Variants in EPS15 observed in about 807,000 individuals in gnomAD.
The protein encoded by EPS15 is epidermal growth factor receptor substrate 15.
A neutral mutation model predicts 113.8 loss-of-function variants in EPS15; 72 were observed. That is an observed-to-expected ratio of 0.63 (90% CI 0.52 to 0.77). The LOEUF (loss-of-function observed/expected upper bound fraction) is 0.77, where lower values mean the gene tolerates loss of function less well. EPS15 is among the 30% of genes least tolerant of loss of function. The pLI, the probability that EPS15 is intolerant of heterozygous loss-of-function variation, is 0.00. For synonymous variants in EPS15, 344 were observed against 363.4 expected, an observed-to-expected ratio of 0.95 and a Z score of 0.61; for missense variants, 1,048 against 1,045.8, an observed-to-expected ratio of 1.00 and a Z score of -0.03.
intron 13 of EPS15, among the ~76,000 whole-genome samples, chr1:51,414,542 A>C (rs1650035212): frequency 6.6e-6 from 1 of 152,186 alleles, no homozygotes; most frequent in South Asian, 2.1e-4. Flanking sequence ...TAGAGGGAAA[A>C]AAGTTTTTTC....
Position 51,399,032 on chromosome 1 carries a change from C to T in EPS15, c.2052G>A (p.Ser684=), listed in dbSNP as rs1481355873. The T allele has an allele frequency of 8.1e-6, 13 of 1,608,028 alleles. No homozygotes were observed. The highest frequency in any genetic ancestry group is 1.7e-5 in the Admixed American group (1 of 58,754). ...AACAGTTTTTAATTCTCCCACTTACCGATGTAATACTGCTATTGTTGGCTG... is the reference window on the plus strand; with the variant it reads ...AACAGTTTTTAATTCTCCCACTTACTGATGTAATACTGCTATTGTTGGCTG... ...FSAANNSSIT[S]VETLKHNDPF... The change falls in exon 20 of 25, where the codon TCG becomes TCA. Residue 684 remains serine (S), a splice_region_variant and synonymous_variant. Coordinates refer to ENST00000371733, the MANE Select transcript of EPS15 (RefSeq NM_001981.3).
chr1:51,487,278 A>G (rs1020965040), intron 1 of EPS15, among the ~76,000 whole-genome samples: 1 of 152,214 alleles, frequency 6.6e-6, no homozygotes, highest in African/African-American at 2.4e-5. Flanking sequence ...TTTATTACCA[A>G]AAATAGTTTG....
At chr1:51,426,837 C>CTCTCTCTCTCTCTCTCTCTA (rs377211027) in intron 12 of EPS15, among the ~76,000 whole-genome samples, 3 of 143,566 alleles carry the variant, frequency 2.1e-5, no homozygotes, top group African/African-American at 7.9e-5. Flanking sequence ...CTCTCTCTCT[C>CTCTCTCTCTCTCTCTCTCTA]TATATATATA....
chr1:51,380,129 C>T (rs565542042), intron 21 of EPS15, among the ~76,000 whole-genome samples: 1 of 150,890 alleles, frequency 6.6e-6, no homozygotes, highest in South Asian at 2.1e-4. Flanking sequence ...GAGGCTGAAG[C>T]AGGAGAATCG....
At chr1:51,518,498 G>C (rs1385860813) in intron 1 of EPS15, 2 of 153,098 alleles carry the variant, frequency 1.3e-5, no homozygotes, top group African/African-American at 4.8e-5. Flanking sequence ...GTGGCAAAAG[G>C]CTGCATTGGG....
At chr1:51,417,917 T>A (rs1406786537) in intron 13 of EPS15, among the ~76,000 whole-genome samples, 2 of 152,196 alleles carry the variant, frequency 1.3e-5, no homozygotes, top group African/African-American at 4.8e-5. Flanking sequence ...CCATCATTAA[T>A]GGTGGCAGTG....
At chr1:51,503,299 G>C (rs1274890611) in intron 1 of EPS15, among the ~76,000 whole-genome samples, 1 of 152,160 alleles carries the variant, frequency 6.6e-6, no homozygotes, top group African/African-American at 2.4e-5. Context: ...AATTCAGATA[G>C]AATTGCAAGG....
At chr1:51,385,314 A>G (rs1647036995) in intron 21 of EPS15, among the ~76,000 whole-genome samples, 1 of 152,220 alleles carries the variant, frequency 6.6e-6, no homozygotes, top group Non-Finnish European at 1.5e-5. Flanking sequence ...GCATATAAAA[A>G]AAGGCACTAC....
chr1:51,428,135 C>T (rs964976367), intron 12 of EPS15, among the ~76,000 whole-genome samples: 1 of 151,722 alleles, frequency 6.6e-6, no homozygotes, highest in Non-Finnish European at 1.5e-5. Flanking sequence ...GAATTCTATA[C>T]CTGACAAAAC....
At chr1:51,477,118 G>A (rs1339261401) in intron 2 of EPS15, among the ~76,000 whole-genome samples, 9 of 152,136 alleles carry the variant, frequency 5.9e-5, no homozygotes, top group South Asian at 2.1e-4. Flanking sequence ...ATTAATTATC[G>A]CCTCAATTTC....
At position 51,445,056 on chromosome 1, in the gene EPS15, A is replaced by G. The variant is rs147652573; in HGVS notation, c.798-11T>C. ...GTGTCGCATAATGACCTGCACAAAT[A>G]AACAAAATGAATGGTATGTAAGTGC... On this transcript the variant is annotated splice_polypyrimidine_tract_variant and intron_variant, in intron 10 of 24. Transcript: ENST00000371733. 6.2e-6 allele frequency: 10 copies of G among 1,609,510 alleles called. No homozygotes were observed. The African/African-American group carries it at 1.2e-4, about 19-fold the overall frequency.
At chr1:51,489,510 G>T (rs1468944706) in intron 1 of EPS15, among the ~76,000 whole-genome samples, 1 of 151,802 alleles carries the variant, frequency 6.6e-6, no homozygotes, top group African/African-American at 2.4e-5. Context: ...TAGAGACAGG[G>T]TTTCACCATG....
In EPS15 at chr1:51,355,517, C is replaced by G. The variant is rs1238388548; in HGVS notation, c.*1183G>C. ...TTTTAACATGAAGAGGTCTGATAAT[C>G]TGGCAGGTCTCTTCTCTCCCAATTA... is the stretch of plus-strand genomic sequence containing the variant. On this transcript the variant is annotated 3_prime_UTR_variant, in exon 25 of 25. Coordinates refer to ENST00000371733, the MANE Select transcript of EPS15 (RefSeq NM_001981.3). The G allele has an allele frequency of 5.2e-6, 1 of 193,322 alleles. No homozygotes were observed. Among genetic ancestry groups the G allele is most frequent in the African/African-American group, 2.3e-5 (1 of 43,014 alleles). 12.0% of individuals were successfully genotyped at this position (193,322 alleles called of 1,614,324 possible). A position where few individuals can be genotyped will look rare whatever the true frequency, so the allele number is the denominator to read the frequency against.
intron 2 of EPS15, among the ~76,000 whole-genome samples, chr1:51,476,681 T>C (rs1446929347): frequency 6.6e-6 from 1 of 152,168 alleles, no homozygotes; most frequent in Non-Finnish European, 1.5e-5. Context: ...GAAGGGTTTT[T>C]TGTGTCTCTA....
chr1:51,458,847 G>A (rs56261634), intron 8 of EPS15: 3,931 of 190,372 alleles, frequency 0.021, 39 homozygotes, highest in Middle Eastern at 0.03. Context: ...AGAAGTTTAT[G>A]TGTAGGGTTT....
At chr1:51,495,078 T>G (rs1644301370) in intron 1 of EPS15, among the ~76,000 whole-genome samples, 1 of 152,240 alleles carries the variant, frequency 6.6e-6, no homozygotes, top group African/African-American at 2.4e-5. Flanking sequence ...TTATAAAGTA[T>G]GCAAGCCTGA....
At chr1:51,470,462 T>A (rs113464508) in intron 4 of EPS15, among the ~76,000 whole-genome samples, 2 of 151,692 alleles carry the variant, frequency 1.3e-5, no homozygotes, top group African/African-American at 2.4e-5. Context: ...CTGGCCAATA[T>A]AGTGAAACCC....
At chr1:51,399,204 A>C in intron 19 of EPS15, 39 bp from the exon 20 acceptor site, 1 of 1,589,428 alleles carries the variant, frequency 6.3e-7, no homozygotes, top group South Asian at 1.1e-5. Flanking sequence ...ACAAAAAAAA[A>C]TTATTGCACT....
At chr1:51,406,884 A>G (rs10127559) in intron 15 of EPS15, among the ~76,000 whole-genome samples, 4,422 of 152,304 alleles carry the variant, frequency 0.029, 217 homozygotes, top group African/African-American at 0.098. Context: ...ACATAAATAC[A>G]AAGTCCAACA....
Sources: allele counts gnomAD v4.1 joint callset (sites outside exome capture counted in the v4.1 genomes callset), GRCh38; gene constraint gnomAD v4.1.1; transcripts MANE v1.5; gene names NCBI Gene and HGNC (gene_info 2026-07-23, HGNC 2026-07-21).